Variants in CACNA2D1 observed in about 807,000 individuals in gnomAD.
The protein encoded by CACNA2D1 is calcium voltage-gated channel auxiliary subunit alpha2delta 1, also known as voltage-dependent calcium channel subunit alpha-2/delta-1.
In CACNA2D1, 53 loss-of-function variants were observed where a neutral mutation model predicts 171.5. That is an observed-to-expected ratio of 0.31 (90% confidence interval 0.25 to 0.39). CACNA2D1 has a LOEUF of 0.39. Ranked by LOEUF, CACNA2D1 falls within the 10% of genes least tolerant of loss-of-function variation. The pLI is 1.00. For synonymous variants in CACNA2D1, 442 were observed against 443.1 expected (o/e 1.00, Z 0.03); for missense variants, 903 against 1,299.8 (o/e 0.69, Z 4.69).
chr7:82,287,702 C>G (rs943637543), intron 3 of CACNA2D1, among the ~76,000 whole-genome samples: 1 of 152,150 alleles, frequency 6.6e-6, no homozygotes, highest in Non-Finnish European at 1.5e-5. Flanking sequence ...GGCAAGCTCT[C>G]TCTGACAACC....
At chr7:82,221,038 A>C (rs1801707262) in intron 3 of CACNA2D1, among the ~76,000 whole-genome samples, 1 of 152,174 alleles carries the variant, frequency 6.6e-6, no homozygotes, top group Admixed American at 6.5e-5. Context: ...GGGTTCCCAA[A>C]GTGCTGAGAT....
chr7:82,297,072 C>CAAAAAAAAAAAAAAAAAAAAAGAAAAAA (rs1812379472), intron 3 of CACNA2D1, among the ~76,000 whole-genome samples: 1 of 72,258 alleles, frequency 1.4e-5, no homozygotes. Flanking sequence ...CTGTGTCTAC[C>CAAAAAAAAAAAAAAAAAAAAAGAAAAAA]AAAAAAAAAA....
At chr7:82,036,249 T>C (rs948413347) in intron 11 of CACNA2D1, among the ~76,000 whole-genome samples, 7 of 152,092 alleles carry the variant, frequency 4.6e-5, no homozygotes, top group African/African-American at 1.7e-4. Context: ...TTCCTTAACT[T>C]AGAACACTCC....
At chr7:82,188,728 C>CATA (rs1798006015) in intron 3 of CACNA2D1, among the ~76,000 whole-genome samples, 1 of 152,066 alleles carries the variant, frequency 6.6e-6, no homozygotes, top group Non-Finnish European at 1.5e-5. Context: ...ATCTGTTCTT[C>CATA]ACAGCACTAT....
intron 6 of CACNA2D1, among the ~76,000 whole-genome samples, chr7:82,111,586 T>C (rs949610473): frequency 3.4e-4 from 51 of 151,178 alleles, no homozygotes; most frequent in African/African-American, 1.1e-3. Context: ...GAGCTGGGAC[T>C]ATAGGCGCAT....
intron 7 of CACNA2D1, among the ~76,000 whole-genome samples, chr7:82,067,578 A>G (rs2128987129): frequency 6.6e-6 from 1 of 152,306 alleles, no homozygotes; most frequent in South Asian, 2.1e-4. Context: ...TAAATGACTA[A>G]TCATATTTAC....
chr7:82,381,313 CAAA>C (rs11307965), intron 1 of CACNA2D1, among the ~76,000 whole-genome samples: 1 of 74,606 alleles, frequency 1.3e-5, no homozygotes, highest in Non-Finnish European at 2.8e-5. Flanking sequence ...GACTCTGTCT[CAAA>C]AAAAAAAAAA....
intron 3 of CACNA2D1, among the ~76,000 whole-genome samples, chr7:82,246,618 G>A (rs1804955042): frequency 6.6e-6 from 1 of 152,108 alleles, no homozygotes; most frequent in Non-Finnish European, 1.5e-5. Context: ...AGGGGGCTAA[G>A]AGAAGAAACT....
chr7:82,167,339 A>G, intron 4 of CACNA2D1, among the ~76,000 whole-genome samples: 1 of 152,192 alleles, frequency 6.6e-6, no homozygotes, highest in African/African-American at 2.4e-5. Flanking sequence ...TTAATGATTT[A>G]TAAGTTTCAA....
intron 1 of CACNA2D1, among the ~76,000 whole-genome samples, chr7:82,364,530 G>T (rs1012366177): frequency 6.6e-6 from 1 of 152,152 alleles, no homozygotes; most frequent in Non-Finnish European, 1.5e-5. Context: ...CCACTAAAAT[G>T]AGAAATTAAT....
chr7:82,149,963 T>TGTGTGTGTACATGTGC (rs1793623872), intron 4 of CACNA2D1, among the ~76,000 whole-genome samples: 1 of 151,800 alleles, frequency 6.6e-6, no homozygotes, highest in Admixed American at 6.6e-5. Flanking sequence ...TGCGTGTCTC[T>TGTGTGTGTACATGTGC]GTGTGTGTAC....
intron 6 of CACNA2D1, among the ~76,000 whole-genome samples, chr7:82,089,972 C>T (rs181215698): frequency 1.2e-4 from 18 of 152,306 alleles, no homozygotes; most frequent in African/African-American, 4.1e-4. Flanking sequence ...ATGTCAACTA[C>T]AGCTTTTGTA....
intron 11 of CACNA2D1, among the ~76,000 whole-genome samples, chr7:82,033,751 C>A (rs912258733): frequency 6.6e-6 from 1 of 152,044 alleles, no homozygotes; most frequent in African/African-American, 2.4e-5. Context: ...GATGGATTAG[C>A]ACCAAAGGGC....
rs944763962 is a variant in CACNA2D1, at chr7:81,947,379, A to G, written c.*3013T>C. 3 of 151,842 alleles carry G rather than the reference A, an allele frequency of 2.0e-5. No homozygotes were observed. The highest frequency in any genetic ancestry group is 7.2e-5 in the African/African-American group (3 of 41,402). The allele number at this position is 151,842 out of a possible 1,614,324, so 9.4% of individuals were successfully genotyped here. On this transcript the variant is annotated 3_prime_UTR_variant, in exon 39 of 39. Coordinates refer to ENST00000356860, the MANE Select transcript of CACNA2D1 (RefSeq NM_000722.4). Reference sequence around the variant, plus strand: ...TAACACCTCAAGCATTAGAAACATGAAAAAAGATCATACTAAAATCTTATA... The same window carrying G: ...TAACACCTCAAGCATTAGAAACATGGAAAAAGATCATACTAAAATCTTATA...
intron 3 of CACNA2D1, among the ~76,000 whole-genome samples, chr7:82,172,784 T>TAAA (rs767526951): frequency 5.2e-5 from 7 of 135,468 alleles, no homozygotes; most frequent in Non-Finnish European, 1.1e-4. Context: ...TTCCCCCATT[T>TAAA]AAAAAAAAAA....
At chr7:82,402,994 T>C (rs1375014610) in intron 1 of CACNA2D1, among the ~76,000 whole-genome samples, 1 of 151,960 alleles carries the variant, frequency 6.6e-6, no homozygotes, top group Non-Finnish European at 1.5e-5. Context: ...AAATTAAAAG[T>C]AGGATAAGAA....
chr7:82,181,984 G>T (rs1270105991), intron 3 of CACNA2D1, among the ~76,000 whole-genome samples: 1 of 152,040 alleles, frequency 6.6e-6, no homozygotes, highest in African/African-American at 2.4e-5. Flanking sequence ...TTATTAATTT[G>T]CATTAACAAA....
intron 3 of CACNA2D1, among the ~76,000 whole-genome samples, chr7:82,184,862 C>G (rs566062411): frequency 2.6e-5 from 4 of 152,282 alleles, no homozygotes; most frequent in African/African-American, 4.8e-5. Flanking sequence ...ATTTTCACTA[C>G]TTACTCTTTA....
At chr7:81,970,627 G>A (rs376071441) in intron 27 of CACNA2D1, 48 bp downstream of exon 27, 47 of 973,554 alleles carry the variant, frequency 4.8e-5, no homozygotes, top group Middle Eastern at 2.1e-4. Context: ...AATCCTTGGC[G>A]CAGTCTTTTG....
Sources: gnomAD v4.1 joint callset for allele counts (sites outside exome capture counted in the v4.1 genomes callset) on GRCh38, gnomAD v4.1.1 for gene constraint, MANE v1.5 for transcripts, NCBI Gene and HGNC (gene_info 2026-07-23, HGNC 2026-07-21) for gene names.